SEMA4F: variants seen among roughly 807,000 people sequenced by gnomAD.
SEMA4F encodes ssemaphorin 4F, also known as semaphorin-4F.
SEMA4F carries 51 observed loss-of-function variants against 78.4 expected under a neutral mutation model. The observed-to-expected ratio is 0.65, with a 90% CI of 0.52 to 0.82. The LOEUF is 0.82. Among genes scored for constraint, SEMA4F ranks in the 40% least tolerant of loss-of-function variants. The pLI, the probability that SEMA4F is intolerant of heterozygous loss-of-function variation, is 0.00. For missense variants in SEMA4F, 938 were observed against 1,014.4 expected (o/e 0.92, Z 1.02); for synonymous variants, 418 against 408.7 (o/e 1.02, Z -0.27).
chr2:74,673,015 A>G (rs1256780807), intron 5 of SEMA4F, among the ~76,000 whole-genome samples: 1 of 152,190 alleles, frequency 6.6e-6, no homozygotes, highest in Admixed American at 6.5e-5. Flanking sequence ...GTGTACGCCC[A>G]CTAATGTTCA....
the SEMA4F span, among the ~76,000 whole-genome samples, chr2:74,708,606 C>T: frequency 6.6e-6 from 1 of 151,978 alleles, no homozygotes; most frequent in African/African-American, 2.4e-5. Flanking sequence ...ACAGGGCCTG[C>T]TAAAACAGAA....
At chr2:74,676,833 C>T (rs1393311879) in intron 12 of SEMA4F, among the ~76,000 whole-genome samples, 1 of 152,158 alleles carries the variant, frequency 6.6e-6, no homozygotes, top group Non-Finnish European at 1.5e-5. Context: ...GAAGCAAATC[C>T]CTGACATTAT....
chr2:74,654,255 C>T lies in SEMA4F; in HGVS notation c.-122C>T, dbSNP rs1683987111. ...GGGCGGAGCCGGGCGGTGTTTCATC[C>T]CTCAGCCTCAGGCTGAGCCGGACCG... On this transcript the variant is annotated 5_prime_UTR_variant, in exon 1 of 14. Transcript: ENST00000357877. The T allele has an allele frequency of 8.6e-7, 1 of 1,160,454 alleles. No individual in the cohort carries two copies. The allele number at this position is 1,160,454 out of a possible 1,614,324, so 71.9% of individuals were successfully genotyped here. A position where few individuals can be genotyped will look rare whatever the true frequency, so the allele number is the denominator to read the frequency against.
intron 5 of SEMA4F, among the ~76,000 whole-genome samples, chr2:74,665,519 G>A (rs1055037694): frequency 3.3e-5 from 5 of 151,812 alleles, no homozygotes; most frequent in East Asian, 1.9e-4. Context: ...ATGAGCCACC[G>A]CACCCAGCCA....
intron 12 of SEMA4F, 38 bp from the exon 13 acceptor site, chr2:74,679,238 G>T: frequency 6.7e-7 from 1 of 1,501,632 alleles, no homozygotes; most frequent in South Asian, 1.1e-5. Context: ...TGAAGGGAAT[G>T]TTCACACTGG....
At position 74,674,690 on chromosome 2, in the gene SEMA4F, G is replaced by A; in HGVS notation, c.1001+14G>A. On this transcript the variant is annotated intron_variant, in intron 8 of 13. Coordinates refer to ENST00000357877, the MANE Select transcript of SEMA4F (RefSeq NM_004263.5). ...TTCTTCCCAGTGGTGAGGGGTCTTGGTGTGGAGGAGAGTTACAGGGTGGGA... is the reference window on the plus strand; with the variant it reads ...TTCTTCCCAGTGGTGAGGGGTCTTGATGTGGAGGAGAGTTACAGGGTGGGA... The A allele has an allele frequency of 1.9e-6, 3 of 1,612,690 alleles. No homozygotes were observed. Among genetic ancestry groups the A allele is most frequent in the Non-Finnish European group, 2.5e-6 (3 of 1,179,372 alleles).
chr2:74,672,687 G>T (rs1462024038), intron 5 of SEMA4F, among the ~76,000 whole-genome samples: 3 of 152,086 alleles, frequency 2.0e-5, no homozygotes, highest in Non-Finnish European at 4.4e-5. Context: ...TTCTCAGAGT[G>T]TCTGTGATTT....
chr2:74,668,778 C>T (rs1402651993), intron 5 of SEMA4F, among the ~76,000 whole-genome samples: 1 of 151,598 alleles, frequency 6.6e-6, no homozygotes, highest in East Asian at 1.9e-4. Context: ...TACAGGCATG[C>T]ACTGCCATGC....
intron 5 of SEMA4F, among the ~76,000 whole-genome samples, chr2:74,671,633 A>G (rs1263318586): frequency 6.6e-6 from 1 of 152,208 alleles, no homozygotes; most frequent in African/African-American, 2.4e-5. Context: ...ATGACTCCCA[A>G]GTTGCTGACT....
intron 1 of SEMA4F, 55 bp from the exon 2 acceptor site, chr2:74,656,479 T>G: frequency 6.3e-7 from 1 of 1,576,452 alleles, no homozygotes; most frequent in Non-Finnish European, 8.6e-7. Flanking sequence ...TTTGCTCTTG[T>G]GGACTTGACC....
the SEMA4F span, among the ~76,000 whole-genome samples, chr2:74,697,947 G>A: frequency 1.3e-5 from 2 of 152,080 alleles, no homozygotes. Context: ...CACCCCTCAG[G>A]CCTGGGAGTT....
At chr2:74,677,999 C>T (rs1573265117) in intron 12 of SEMA4F, among the ~76,000 whole-genome samples, 1 of 152,160 alleles carries the variant, frequency 6.6e-6, no homozygotes, top group Admixed American at 6.5e-5. Context: ...TGATCAGATT[C>T]TTGACTTTTT....
chr2:74,657,956 G>A lies in SEMA4F; in HGVS notation c.456+5G>A, dbSNP rs755832331. 3 of 1,613,332 alleles carry A rather than the reference G, an allele frequency of 1.9e-6. No individual in the cohort carries two copies. The highest frequency in any genetic ancestry group is 1.3e-5 in the African/African-American group (1 of 75,018). Reference sequence around the variant, plus strand: ...GATCCGAAGTGCGGGGTTATTGTGAGTGACGGTGTGGGAGGAGAGGGAGAG... The same window carrying A: ...GATCCGAAGTGCGGGGTTATTGTGAATGACGGTGTGGGAGGAGAGGGAGAG... On this transcript the variant is annotated splice_donor_5th_base_variant and intron_variant, in intron 4 of 13. Transcript: ENST00000357877.
At chr2:74,695,255 T>C in the SEMA4F span, among the ~76,000 whole-genome samples, 622 of 152,278 alleles carry the variant, frequency 4.1e-3, 3 homozygotes, top group Middle Eastern at 0.01. Flanking sequence ...CAGACTCAAT[T>C]GCAGAGCTGG....
At position 74,673,354 on chromosome 2, in the gene SEMA4F, C is replaced by T. The variant is rs1022455109; in HGVS notation, c.551-103C>T. 7 of 1,414,260 alleles carry T rather than the reference C, an allele frequency of 4.9e-6. No individual in the cohort carries two copies. In the African/African-American group the frequency reaches 9.9e-5, roughly 20 times the overall value. 87.6% of individuals were successfully genotyped at this position (1,414,260 alleles called of 1,614,324 possible). A position where few individuals can be genotyped will look rare whatever the true frequency, so the allele number is the denominator to read the frequency against. On this transcript the variant is annotated intron_variant, in intron 5 of 13. Transcript: ENST00000357877. Reference sequence around the variant, plus strand: ...AGTCTGGCACTCATGGGTGTTTAGTCCCTGAGAGTCGCTGCCCTGCTTTAT... The same window carrying T: ...AGTCTGGCACTCATGGGTGTTTAGTTCCTGAGAGTCGCTGCCCTGCTTTAT...
the SEMA4F span, among the ~76,000 whole-genome samples, chr2:74,690,065 C>T: frequency 3.9e-5 from 6 of 152,130 alleles, no homozygotes; most frequent in African/African-American, 1.4e-4. Context: ...TCTGCAAACC[C>T]CCTAGCACAA....
chr2:74,692,601 C>A, the SEMA4F span, among the ~76,000 whole-genome samples: 9 of 152,196 alleles, frequency 5.9e-5, no homozygotes, highest in African/African-American at 1.9e-4. Flanking sequence ...GGTGGGCAGG[C>A]TTCAGAGGGC....
chr2:74,705,902 A>G, the SEMA4F span, among the ~76,000 whole-genome samples: 1 of 152,156 alleles, frequency 6.6e-6, no homozygotes, highest in Non-Finnish European at 1.5e-5. Flanking sequence ...AAAGATATGT[A>G]TCAATTTATA....
At chr2:74,679,418 T>G in intron 13 of SEMA4F, 84 bp downstream of exon 13, 4 of 1,487,316 alleles carry the variant, frequency 2.7e-6, no homozygotes, top group Non-Finnish European at 3.8e-6. Flanking sequence ...GGAACGATTC[T>G]AAACCTTGGA....
Sources: allele counts gnomAD v4.1 joint callset (sites outside exome capture counted in the v4.1 genomes callset), GRCh38; gene constraint gnomAD v4.1.1; transcripts MANE v1.5; gene names NCBI Gene and HGNC (gene_info 2026-07-23, HGNC 2026-07-21).